Variants in SETX observed in about 807,000 individuals in gnomAD.
SETX encodes senataxin, also known as helicase senataxin.
A neutral mutation model predicts 227.2 loss-of-function variants in SETX; 90 were observed. The observed-to-expected ratio is 0.40, with a 90% CI of 0.33 to 0.47. The LOEUF (loss-of-function observed/expected upper bound fraction) is 0.47, where lower values mean the gene tolerates loss of function less well. Among genes scored for constraint, SETX ranks in the 20% least tolerant of loss-of-function variants. SETX has a pLI of 0.91. For synonymous variants in SETX, 1,210 were observed against 1,113.2 expected (o/e 1.09, Z -1.73); for missense variants, 3,052 against 3,181.5 (o/e 0.96, Z 0.98).
rs1842489061 is a variant in SETX, at chr9:132,263,629, AC to A, written c.*609del. ...TGTCAGCAAGACTTTACCTAACATA[AC>A]CGTGCTGCCCAAAGTGTCCCCTAGG... On this transcript the variant is annotated 3_prime_UTR_variant, in exon 26 of 26. Transcript: ENST00000224140. 6.5e-6 allele frequency: 1 copy of A among 152,804 alleles called. No individual in the cohort carries two copies. 9.5% of individuals were successfully genotyped at this position (152,804 alleles called of 1,614,324 possible). A position where few individuals can be genotyped will look rare whatever the true frequency, so the allele number is the denominator to read the frequency against.
In SETX at chr9:132,349,347, C is replaced by T; in HGVS notation, c.82G>A (p.Gly28Ser). 1.2e-6 allele frequency: 2 copies of T among 1,614,082 alleles called. No individual in the cohort carries two copies. The highest frequency in any genetic ancestry group is 1.7e-6 in the Non-Finnish European group (2 of 1,180,026). ...TCTTCGTCGGCTGTTTGAAATTCAC[C>T]GGACGGAGTGTTGGAAGCATAGCGC... The part of the protein sequence containing the change: ...LKRYASNTPS[G>S]EFQTADEDLC... The change falls in exon 3 of 26, where the codon GGT (glycine) becomes AGT (serine). Residue 28 changes from glycine to serine, a missense_variant. Around this residue, in one of 10 missense-constraint regions of SETX, gnomAD observed 152 missense variants for 156.2 expected, o/e 0.97. Coordinates refer to ENST00000224140, the MANE Select transcript of SETX (RefSeq NM_015046.7).
chr9:132,329,963 T>C lies in SETX; in HGVS notation c.1635A>G (p.Glu545=). Residue 545 remains glutamate (E), a synonymous_variant, in exon 10 of 26, where the codon GAA becomes GAG. Transcript: ENST00000224140. ...GAGACTGCTGCCCAAGCTGATAACC[T>C]TCTTTAAGGAGACTTCTAATCAGCT... The part of the protein sequence containing the change: ...YVQLIRSLLK[E]GYQLGQQSLC... 1 of 1,614,156 alleles carries C rather than the reference T, an allele frequency of 6.2e-7. No homozygotes were observed. The highest frequency in any genetic ancestry group is 8.5e-7 in the Non-Finnish European group (1 of 1,179,970).
chr9:132,323,731 T>C (rs1451743874), intron 10 of SETX, among the ~76,000 whole-genome samples: 2 of 152,070 alleles, frequency 1.3e-5, no homozygotes, highest in Non-Finnish European at 2.9e-5. Flanking sequence ...GGAAAAACTC[T>C]GCCTCTACTA....
rs1014214936 is a variant in SETX at position 132,264,085 on chromosome 9, T to C, written c.*154A>G. ...TGCAAATGACAGAAAATACTGAAGA[T>C]GACCAGAGGCTCAGGTGTTAAGGAT... On this transcript the variant is annotated 3_prime_UTR_variant, in exon 26 of 26. Coordinates refer to ENST00000224140, the MANE Select transcript of SETX (RefSeq NM_015046.7). 3.0e-6 allele frequency: 3 copies of C among 1,016,174 alleles called. No homozygotes were observed. Among genetic ancestry groups the C allele is most frequent in the Non-Finnish European group, 4.4e-6 (3 of 679,896 alleles). The allele number at this position is 1,016,174 out of a possible 1,614,324, so 62.9% of individuals were successfully genotyped here. A position where few individuals can be genotyped will look rare whatever the true frequency, so the allele number is the denominator to read the frequency against.
intron 2 of SETX, among the ~76,000 whole-genome samples, chr9:132,350,563 A>T (rs1394290044): frequency 6.6e-6 from 1 of 152,220 alleles, no homozygotes; most frequent in Non-Finnish European, 1.5e-5. Flanking sequence ...TGATTTTTTA[A>T]AATTCTTTAA....
At chr9:132,292,175 T>C (rs1844360138) in intron 15 of SETX, among the ~76,000 whole-genome samples, 1 of 152,056 alleles carries the variant, frequency 6.6e-6, no homozygotes, top group Non-Finnish European at 1.5e-5. Context: ...AGGGGCAGTG[T>C]CTCATGCCTG....
chr9:132,296,078 T>C, intron 14 of SETX, 50 bp from the exon 15 acceptor site: 1 of 1,602,348 alleles, frequency 6.2e-7, no homozygotes, highest in Non-Finnish European at 8.6e-7. Flanking sequence ...AAAATATGGG[T>C]GAGCTCTATT....
Position 132,264,102 on chromosome 9 carries a change from G to T in SETX, c.*137C>A. The T allele has an allele frequency of 2.4e-6, 3 of 1,237,022 alleles. No homozygotes were observed. Among genetic ancestry groups the T allele is most frequent in the Non-Finnish European group, 3.5e-6 (3 of 859,246 alleles). 76.6% of individuals were successfully genotyped at this position (1,237,022 alleles called of 1,614,324 possible). Reference sequence around the variant, plus strand: ...ACTGAAGATGACCAGAGGCTCAGGTGTTAAGGATGCATTTTCCATGTTTTC... The same window carrying T: ...ACTGAAGATGACCAGAGGCTCAGGTTTTAAGGATGCATTTTCCATGTTTTC... On this transcript the variant is annotated 3_prime_UTR_variant, in exon 26 of 26. Coordinates refer to ENST00000224140, the MANE Select transcript of SETX (RefSeq NM_015046.7).
chr9:132,327,913 A>G lies in SETX; in HGVS notation c.3685T>C (p.Cys1229Arg). The change falls in exon 10 of 26, where the codon TGT becomes CGT. Residue 1229 changes from cysteine to arginine, a missense_variant. This residue lies in a region of SETX where 1,483 missense variants were observed against 1,312.0 expected (regional missense o/e 1.13). Transcript: ENST00000224140. ...GGAACTTTCCTGATGGGTTCTGTAC[A>G]AGTACAAAGCTTTGAAGACTTCTTT... ...SQKKSSKLCT[C>R]TEPIRKVPVS... 6.2e-7 allele frequency: 1 copy of G among 1,614,162 alleles called. No homozygotes were observed. Among genetic ancestry groups the G allele is most frequent in the Non-Finnish European group, 8.5e-7 (1 of 1,180,016 alleles).
chr9:132,265,387 G>A (rs923210126), intron 25 of SETX, among the ~76,000 whole-genome samples: 4 of 151,702 alleles, frequency 2.6e-5, no homozygotes, highest in Non-Finnish European at 4.4e-5. Context: ...CACCACGCCC[G>A]GCTAATTTTT....
chr9:132,309,385 G>GAA (rs112520587), intron 11 of SETX, among the ~76,000 whole-genome samples: 2 of 142,480 alleles, frequency 1.4e-5, no homozygotes, highest in South Asian at 4.5e-4. Context: ...CTACTTGGGG[G>GAA]AAAAAAAAAA....
chr9:132,329,162 A>G lies in SETX; in HGVS notation c.2436T>C (p.Asp812=). The change falls in exon 10 of 26, where the codon GAT becomes GAC. Residue 812 remains aspartate (D), a synonymous_variant. Transcript: ENST00000224140. ...CAATGTTAGATACAGTCAAATTTTCATCTAAATTGATAGTATTATCGACCA... is the reference window on the plus strand; with the variant it reads ...CAATGTTAGATACAGTCAAATTTTCGTCTAAATTGATAGTATTATCGACCA... The part of the protein sequence containing the change: ...STLVDNTINL[D]ENLTVSNIES... The G allele has an allele frequency of 6.2e-7, 1 of 1,612,200 alleles. No individual in the cohort carries two copies. Among genetic ancestry groups the G allele is most frequent in the East Asian group, 2.2e-5 (1 of 44,822 alleles).
rs778414921 is a variant in SETX, at chr9:132,298,194, C to A, written c.5667G>T (p.Lys1889Asn). Residue 1889 changes from lysine (K) to asparagine (N), a missense_variant, in exon 13 of 26, where the codon AAG becomes AAT. Coordinates refer to ENST00000224140, the MANE Select transcript of SETX (RefSeq NM_015046.7). ...TACCCAACAGAGACATGGCTTTCAA[C>A]TTCCTTTGTGTAGTTACCAGAGAAC... is the stretch of plus-strand genomic sequence containing the variant. ...VISSLVTTQR[K>N]LKAMSLLGSR... 6 of 1,614,126 alleles carry A rather than the reference C, an allele frequency of 3.7e-6. No homozygotes were observed. Among genetic ancestry groups the A allele is most frequent in the Non-Finnish European group, 5.1e-6 (6 of 1,179,996 alleles).
At chr9:132,299,013 C>A (rs1844836411) in intron 12 of SETX, among the ~76,000 whole-genome samples, 1 of 152,128 alleles carries the variant, frequency 6.6e-6, no homozygotes, top group Non-Finnish European at 1.5e-5. Context: ...AGACCACTTA[C>A]AAGGTTACCA....
chr9:132,325,170 C>A (rs1382856756), intron 10 of SETX, among the ~76,000 whole-genome samples: 1 of 152,122 alleles, frequency 6.6e-6, no homozygotes, highest in Non-Finnish European at 1.5e-5. Context: ...TCCTGGCTAA[C>A]ATGGTGAAAC....
intron 10 of SETX, among the ~76,000 whole-genome samples, chr9:132,318,374 T>C (rs1846122028): frequency 6.6e-6 from 1 of 152,202 alleles, no homozygotes. Context: ...TTATAGTGAC[T>C]ACACTCCAGA....
rs777628037 is a variant in SETX at position 132,330,651 on chromosome 9, T to C, written c.1099-152A>G. On this transcript the variant is annotated intron_variant, in intron 9 of 25. Transcript: ENST00000224140. ...TATACAATGGTATAATTGTGGCATA[T>C]AATTATATCACAATCGTAATACACC... 20 of 675,472 alleles carry C rather than the reference T, an allele frequency of 3.0e-5. 1 individual carries two copies. Among genetic ancestry groups the C allele is most frequent in the Non-Finnish European group, 4.9e-5 (19 of 388,064 alleles). 41.8% of individuals were successfully genotyped at this position (675,472 alleles called of 1,614,324 possible).
intron 5 of SETX, among the ~76,000 whole-genome samples, chr9:132,338,589 A>C (rs1396656960): frequency 6.6e-6 from 1 of 152,184 alleles, no homozygotes; most frequent in Non-Finnish European, 1.5e-5. Flanking sequence ...GCTATCACAC[A>C]AAAATAAAAT....
intron 15 of SETX, among the ~76,000 whole-genome samples, chr9:132,294,442 A>G (rs895507732): frequency 9.9e-5 from 15 of 152,266 alleles, no homozygotes; most frequent in African/African-American, 3.6e-4. Context: ...GACTGCAGCT[A>G]TTCACAAAAT....
Sources: gnomAD v4.1 joint callset for allele counts (sites outside exome capture counted in the v4.1 genomes callset) on GRCh38, gnomAD v4.1.1 for gene constraint, gnomAD v4.1.1 regional missense constraint, MANE v1.5 for transcripts, NCBI Gene and HGNC (gene_info 2026-07-23, HGNC 2026-07-21) for gene names.